CACNG3: variants seen among roughly 807,000 people sequenced by gnomAD.
The protein encoded by CACNG3 is voltage-dependent calcium channel gamma-3 subunit.
In CACNG3, 3 loss-of-function variants were observed where a neutral mutation model predicts 28.5. The observed-to-expected ratio is 0.11, with a 90% CI of 0.05 to 0.27. CACNG3 has a LOEUF of 0.27. Ranked by LOEUF, CACNG3 falls within the 10% of genes least tolerant of loss-of-function variation. The pLI is 1.00. For missense variants in CACNG3, 236 were observed against 414.4 expected, an observed-to-expected ratio of 0.57 and a Z score of 3.74; for synonymous variants, 174 against 162.2, an observed-to-expected ratio of 1.07 and a Z score of -0.55.
At chr16:24,266,211 G>T (rs764791425) in intron 1 of CACNG3, among the ~76,000 whole-genome samples, 1 of 152,152 alleles carries the variant, frequency 6.6e-6, no homozygotes, top group Non-Finnish European at 1.5e-5. Flanking sequence ...ACAATAAAAA[G>T]AAAGGAACAC....
At chr16:24,269,506 G>A (rs1596621694) in intron 1 of CACNG3, among the ~76,000 whole-genome samples, 1 of 152,096 alleles carries the variant, frequency 6.6e-6, no homozygotes, top group Admixed American at 6.6e-5. Context: ...GATCCCAGCA[G>A]TTTGGGAGGT....
chr16:24,282,155 G>C (rs1238562472), intron 1 of CACNG3, among the ~76,000 whole-genome samples: 1 of 152,158 alleles, frequency 6.6e-6, no homozygotes, highest in African/African-American at 2.4e-5. Context: ...GACCCGACCG[G>C]GAAGCACGAT....
chr16:24,318,189 AT>A (rs980891162), intron 1 of CACNG3, among the ~76,000 whole-genome samples: 11 of 151,366 alleles, frequency 7.3e-5, no homozygotes, highest in Admixed American at 3.3e-4. Flanking sequence ...ATCCTTTTGT[AT>A]TTTTTTTTTC....
At chr16:24,277,066 G>A (rs1354693288) in intron 1 of CACNG3, among the ~76,000 whole-genome samples, 1 of 152,150 alleles carries the variant, frequency 6.6e-6, no homozygotes, top group Middle Eastern at 3.2e-3. Flanking sequence ...GGAGAAATGG[G>A]CACTTGAAGG....
chr16:24,352,025 A>G (rs1022776552), intron 2 of CACNG3, among the ~76,000 whole-genome samples: 3 of 152,060 alleles, frequency 2.0e-5, no homozygotes, highest in Non-Finnish European at 4.4e-5. Context: ...CGTGCTAGCC[A>G]GGATGGTCTC....
chr16:24,260,475 G>A (rs149637049), intron 1 of CACNG3, among the ~76,000 whole-genome samples: 1 of 152,290 alleles, frequency 6.6e-6, no homozygotes, highest in African/African-American at 2.4e-5. Context: ...ACTGAGCCCT[G>A]GGGGATTTAC....
chr16:24,320,026 C>T (rs375377801), intron 1 of CACNG3, among the ~76,000 whole-genome samples: 1 of 152,206 alleles, frequency 6.6e-6, no homozygotes, highest in East Asian at 1.9e-4. Flanking sequence ...GCCTTGACCT[C>T]CCAAAGTGCT....
chr16:24,331,108 T>A lies in CACNG3; in HGVS notation c.212-15626T>A, dbSNP rs561977806. ...AATTGGTGACTCCTACAGCAGTGCC[T>A]ACAAAGTTTCAAGGTACTGTGTTGG... On this transcript the variant is annotated intron_variant, in intron 1 of 3. Transcript: ENST00000005284. 4.6e-5 allele frequency among the ~76,000 whole-genome samples: 7 copies of A among 152,298 alleles called. No homozygotes were observed. The South Asian group carries it at 1.5e-3, about 32-fold the overall frequency.
chr16:24,278,969 C>T (rs1898785898), intron 1 of CACNG3, among the ~76,000 whole-genome samples: 2 of 152,162 alleles, frequency 1.3e-5, no homozygotes, highest in Non-Finnish European at 2.9e-5. Flanking sequence ...GGGTTGTTGT[C>T]CCGGGAAAAG....
chr16:24,304,737 T>C (rs536069296), intron 1 of CACNG3, among the ~76,000 whole-genome samples: 3 of 152,246 alleles, frequency 2.0e-5, no homozygotes, highest in Admixed American at 6.5e-5. Flanking sequence ...ACTTTTGTAT[T>C]CATTTGTAGA....
intron 1 of CACNG3, among the ~76,000 whole-genome samples, chr16:24,262,870 T>C (rs1898554366): frequency 6.6e-6 from 1 of 152,226 alleles, no homozygotes; most frequent in African/African-American, 2.4e-5. Context: ...CAAGTGACCT[T>C]CATTCCAAGG....
rs1567427191 is a variant in CACNG3, at chr16:24,256,569, C to T, written c.-186C>T. The stretch of plus-strand genomic sequence containing the variant: ...ACCCTTCCGAGGGCCATAGGCGACC[C>T]AGGGAACTGGAGAGAGCTCCAGAAA... On this transcript the variant is annotated 5_prime_UTR_variant, in exon 1 of 4. Transcript: ENST00000005284. This position sits in a 1 kb window ranked among gnomAD's most constrained non-coding sequence, Gnocchi z 4.6. 2.0e-5 allele frequency: 12 copies of T among 598,914 alleles called. No homozygotes were observed. Among genetic ancestry groups the T allele is most frequent in the Non-Finnish European group, 2.7e-5 (9 of 335,820 alleles). The allele number at this position is 598,914 out of a possible 1,614,324, so 37.1% of individuals were successfully genotyped here.
intron 3 of CACNG3, among the ~76,000 whole-genome samples, chr16:24,356,593 T>C (rs1900036245): frequency 6.6e-6 from 1 of 152,002 alleles, no homozygotes; most frequent in African/African-American, 2.4e-5. Context: ...TTCCAGGTAG[T>C]CAGGAGGCTG....
intron 1 of CACNG3, among the ~76,000 whole-genome samples, chr16:24,324,508 G>A (rs1455819682): frequency 6.2e-4 from 95 of 152,032 alleles, no homozygotes; most frequent in South Asian, 4.2e-4. Flanking sequence ...AAATATCATC[G>A]TAGCCAAAGG....
chr16:24,354,008 C>T (rs1342906126), intron 2 of CACNG3, among the ~76,000 whole-genome samples: 1 of 152,070 alleles, frequency 6.6e-6, no homozygotes, highest in Admixed American at 6.5e-5. Context: ...GCCTGGGTAA[C>T]TTGGTGAGAT....
intron 1 of CACNG3, among the ~76,000 whole-genome samples, chr16:24,344,324 G>A (rs762827639): frequency 4.3e-4 from 65 of 151,802 alleles, no homozygotes; most frequent in Non-Finnish European, 8.2e-4. Context: ...CACAAGAATC[G>A]CTTGAACCTG....
At chr16:24,257,380 AG>A (rs1567427557) in intron 1 of CACNG3, among the ~76,000 whole-genome samples, 5 of 55,546 alleles carry the variant, frequency 9.0e-5, no homozygotes, top group Non-Finnish European at 1.3e-4. Flanking sequence ...AGAGAGAGAG[AG>A]AGAGAGAGAG....
At chr16:24,300,256 G>C (rs72781842) in intron 1 of CACNG3, among the ~76,000 whole-genome samples, 6 of 152,006 alleles carry the variant, frequency 3.9e-5, no homozygotes, top group African/African-American at 9.7e-5. Context: ...CCCAATTTAC[G>C]GCCCATAGAC....
intron 1 of CACNG3, among the ~76,000 whole-genome samples, chr16:24,285,257 C>T (rs997334973): frequency 8.5e-5 from 13 of 152,106 alleles, no homozygotes; most frequent in Admixed American, 7.9e-4. Context: ...TATGTGGTCT[C>T]CAATATCACA....
Sources: gnomAD v4.1 joint callset for allele counts (sites outside exome capture counted in the v4.1 genomes callset) on GRCh38, gnomAD v4.1.1 for gene constraint, Gnocchi (gnomAD v3.1) non-coding constraint, MANE v1.5 for transcripts, NCBI Gene and HGNC (gene_info 2026-07-23, HGNC 2026-07-21) for gene names.